USH2A: variants seen among roughly 807,000 people sequenced by gnomAD.
USH2A encodes Usher syndrome 2A (autosomal recessive, mild).
In USH2A, 443 loss-of-function variants were observed where a neutral mutation model predicts 538.9. The ratio of observed to expected loss-of-function variants is 0.82; its 90% CI spans 0.76 to 0.89. USH2A has a LOEUF of 0.89. Ranked by LOEUF, USH2A falls within the 40% of genes least tolerant of loss-of-function variation. The pLI, the probability that USH2A is intolerant of heterozygous loss-of-function variation, is 0.00. For synonymous variants in USH2A, 2,413 were observed against 2,273.5 expected (o/e 1.06, Z -1.75); for missense variants, 6,633 against 6,324.8 (o/e 1.05, Z -1.65).
In USH2A at chr1:215,680,236, C is replaced by G. The variant is rs761501205; in HGVS notation, c.12207G>C (p.Leu4069=). The G allele has an allele frequency of 3.1e-6, 5 of 1,614,144 alleles. No individual in the cohort carries two copies. The highest frequency in any genetic ancestry group is 2.5e-6 in the Non-Finnish European group (3 of 1,180,012). ...CTTTCTGTTCTACTATAAAGTTTCTCAGTCCACTTGGGGAAGATTCTAAGG... is the reference window on the plus strand; with the variant it reads ...CTTTCTGTTCTACTATAAAGTTTCTGAGTCCACTTGGGGAAGATTCTAAGG... ...IQTLESSPSG[L]RNFIVEQKEN... The change falls in exon 62 of 72, where the codon CTG becomes CTC. Residue 4069 remains leucine (L), a synonymous_variant. Transcript: ENST00000307340.
chr1:215,770,781 G>A (rs1661254633), intron 55 of USH2A, among the ~76,000 whole-genome samples: 1 of 151,864 alleles, frequency 6.6e-6, no homozygotes, highest in Non-Finnish European at 1.5e-5. Context: ...CAGAAAGTTG[G>A]AGGAAAGTAC....
intron 61 of USH2A, among the ~76,000 whole-genome samples, chr1:215,726,945 C>G (rs1659837990): frequency 6.6e-6 from 1 of 152,130 alleles, no homozygotes; most frequent in African/African-American, 2.4e-5. Flanking sequence ...GTGCAATTCT[C>G]ATCTCTGCAA....
intron 9 of USH2A, among the ~76,000 whole-genome samples, chr1:216,294,079 A>G (rs915852755): frequency 2.6e-5 from 4 of 152,212 alleles, no homozygotes; most frequent in Non-Finnish European, 4.4e-5. Context: ...TAGGTCTGTT[A>G]TGTACTGGAA....
intron 22 of USH2A, among the ~76,000 whole-genome samples, chr1:216,095,465 A>G (rs926361916): frequency 1.3e-5 from 2 of 152,070 alleles, no homozygotes; most frequent in Non-Finnish European, 2.9e-5. Flanking sequence ...GCCTTCTGCG[A>G]TAGCTGCTGC....
chr1:215,648,061 T>A (rs1403260932), intron 66 of USH2A, among the ~76,000 whole-genome samples: 1 of 152,200 alleles, frequency 6.6e-6, no homozygotes, highest in East Asian at 1.9e-4. Flanking sequence ...CTTTTTAGAG[T>A]AAATAATTTT....
At chr1:216,137,905 C>T (rs1265562809) in intron 21 of USH2A, among the ~76,000 whole-genome samples, 2 of 151,692 alleles carry the variant, frequency 1.3e-5, no homozygotes, top group Non-Finnish European at 2.9e-5. Flanking sequence ...AATGTGGATG[C>T]ATTTTGCTAA....
chr1:216,348,005 A>C (rs1368111539), intron 4 of USH2A, among the ~76,000 whole-genome samples: 1 of 152,108 alleles, frequency 6.6e-6, no homozygotes. Context: ...ATCTTTTAAA[A>C]CTTTTTGCTT....
At chr1:216,409,386 A>G (rs556177306) in intron 3 of USH2A, among the ~76,000 whole-genome samples, 1 of 152,302 alleles carries the variant, frequency 6.6e-6, no homozygotes, top group Non-Finnish European at 1.5e-5. Flanking sequence ...AAAACTTTTT[A>G]AATTCATATA....
intron 3 of USH2A, among the ~76,000 whole-genome samples, chr1:216,381,690 G>A (rs1035547994): frequency 1.1e-4 from 16 of 152,038 alleles, no homozygotes; most frequent in Non-Finnish European, 2.2e-4. Flanking sequence ...GAAATGCAGC[G>A]GTCTCATTAA....
chr1:216,083,390 T>C, intron 26 of USH2A, 66 bp downstream of exon 26: 3 of 1,541,268 alleles, frequency 1.9e-6, no homozygotes, highest in Non-Finnish European at 1.8e-6. Context: ...TGCCAACACA[T>C]GGTTTATTTA....
intron 3 of USH2A, among the ~76,000 whole-genome samples, chr1:216,393,238 G>T (rs2039141835): frequency 6.6e-6 from 1 of 152,110 alleles, no homozygotes; most frequent in Non-Finnish European, 1.5e-5. Context: ...TGTCAGTAAA[G>T]AATCTGGAAC....
At chr1:215,858,684 T>G (rs1227376483) in intron 44 of USH2A, among the ~76,000 whole-genome samples, 1 of 151,926 alleles carries the variant, frequency 6.6e-6, no homozygotes, top group Non-Finnish European at 1.5e-5. Context: ...GTAACCTTTT[T>G]GGATAAGAGC....
At chr1:216,224,742 A>G (rs2035527174) in intron 14 of USH2A, among the ~76,000 whole-genome samples, 1 of 152,170 alleles carries the variant, frequency 6.6e-6, no homozygotes, top group Non-Finnish European at 1.5e-5. Flanking sequence ...AAACCTTGCT[A>G]TATCCAACAA....
chr1:216,203,794 A>G (rs1053015496), intron 16 of USH2A, among the ~76,000 whole-genome samples: 2 of 152,182 alleles, frequency 1.3e-5, no homozygotes, highest in African/African-American at 4.8e-5. Context: ...TCTAAGCTTA[A>G]ACTACGATAA....
chr1:215,830,792 T>G (rs1199531512), intron 47 of USH2A, among the ~76,000 whole-genome samples: 2 of 152,204 alleles, frequency 1.3e-5, no homozygotes, highest in African/African-American at 2.4e-5. Flanking sequence ...TTAGCCATTG[T>G]GCAGACACAG....
Position 215,624,240 on chromosome 1 carries a change from T to C in USH2A, c.*1541A>G, listed in dbSNP as rs1360233164. ...TCTGCTTAATACTGGCCTGTGCTTT[T>C]GACACTTATGGTTGGCAAACTTTGT... On this transcript the variant is annotated 3_prime_UTR_variant, in exon 72 of 72. Transcript: ENST00000307340. The C allele has an allele frequency of 6.6e-6, 1 of 152,180 alleles. No homozygotes were observed. The highest frequency in any genetic ancestry group is 2.1e-4 in the South Asian group (1 of 4,832). 9.4% of individuals were successfully genotyped at this position (152,180 alleles called of 1,614,324 possible). A position where few individuals can be genotyped will look rare whatever the true frequency, so the allele number is the denominator to read the frequency against.
chr1:215,649,039 A>G (rs1291074142), intron 65 of USH2A, among the ~76,000 whole-genome samples: 2 of 152,216 alleles, frequency 1.3e-5, no homozygotes, highest in African/African-American at 4.8e-5. Flanking sequence ...TCGATTATCT[A>G]TTACCTTAGA....
At chr1:216,058,701 A>G (rs1428792151) in intron 30 of USH2A, among the ~76,000 whole-genome samples, 1 of 152,184 alleles carries the variant, frequency 6.6e-6, no homozygotes, top group Non-Finnish European at 1.5e-5. Flanking sequence ...CTATAAAATT[A>G]AAGAACTGTT....
intron 49 of USH2A, among the ~76,000 whole-genome samples, chr1:215,803,720 A>T (rs1342066011): frequency 1.3e-5 from 2 of 152,204 alleles, no homozygotes; most frequent in Non-Finnish European, 2.9e-5. Context: ...AAGGTAATTT[A>T]CAGATTCAAT....
Sources: allele counts gnomAD v4.1 joint callset (sites outside exome capture counted in the v4.1 genomes callset), GRCh38; gene constraint gnomAD v4.1.1; transcripts MANE v1.5; gene names NCBI Gene and HGNC (gene_info 2026-07-23, HGNC 2026-07-21).